Variants in GDPD1 observed in about 807,000 individuals in gnomAD.
GDPD1 encodes the protein lysophospholipase D GDPD1.
A neutral mutation model predicts 45.1 loss-of-function variants in GDPD1; 28 were observed. The observed-to-expected ratio is 0.62, with a 90% confidence interval of 0.46 to 0.85. GDPD1 has a LOEUF of 0.85. Ranked by LOEUF, GDPD1 falls within the 40% of genes least tolerant of loss-of-function variation. The pLI is 0.00. For synonymous variants in GDPD1, 139 were observed against 131.4 expected, an observed-to-expected ratio of 1.06 and a Z score of -0.40; for missense variants, 256 against 364.8, an observed-to-expected ratio of 0.70 and a Z score of 2.43.
intron 6 of GDPD1, among the ~76,000 whole-genome samples, chr17:59,266,835 A>G (rs964982226): frequency 3.3e-5 from 5 of 152,192 alleles, no homozygotes; most frequent in African/African-American, 4.8e-5. Context: ...TCATTATACT[A>G]TGAGGCTCCA....
intron 6 of GDPD1, among the ~76,000 whole-genome samples, 179 bp from the exon 7 acceptor site, chr17:59,266,862 A>G (rs1301775994): frequency 1.3e-5 from 2 of 152,210 alleles, no homozygotes; most frequent in Non-Finnish European, 2.9e-5. Context: ...ATCCTGACCC[A>G]TTTATCAAGG....
At chr17:59,244,958 T>C (rs916886836) in intron 2 of GDPD1, among the ~76,000 whole-genome samples, 2 of 152,184 alleles carry the variant, frequency 1.3e-5, no homozygotes, top group African/African-American at 4.8e-5. Context: ...ATCATGCCAT[T>C]GCACTCCAGC....
Position 59,275,517 on chromosome 17 carries a change from T to C in GDPD1, c.*1744T>C, listed in dbSNP as rs900796036. 3 of 198,190 alleles carry C rather than the reference T, an allele frequency of 1.5e-5. No homozygotes were observed. The highest frequency in any genetic ancestry group is 3.1e-5 in the Non-Finnish European group (3 of 95,816). The allele number at this position is 198,190 out of a possible 1,614,324, so 12.3% of individuals were successfully genotyped here. On this transcript the variant is annotated 3_prime_UTR_variant, in exon 10 of 10. Coordinates refer to ENST00000284116, the MANE Select transcript of GDPD1 (RefSeq NM_182569.4). ...TATTTTTGTGTTTCCTCTAAAAAAA[T>C]GTAAGATTTCCATTTTTGGCACTGA... is the stretch of plus-strand genomic sequence containing the variant.
intron 4 of GDPD1, among the ~76,000 whole-genome samples, chr17:59,252,725 T>A (rs1233634925): frequency 1.4e-5 from 2 of 147,250 alleles, no homozygotes; most frequent in Non-Finnish European, 3.0e-5. Context: ...ATTGGCCTGG[T>A]GCGGTGGCTC....
intron 9 of GDPD1, 160 bp downstream of exon 9, chr17:59,272,996 A>G: frequency 6.8e-7 from 1 of 1,466,216 alleles, no homozygotes; most frequent in Non-Finnish European, 9.0e-7. Context: ...CCTTACACTT[A>G]GCAATAAAGC....
chr17:59,236,463 C>G (rs1476283373), intron 2 of GDPD1, among the ~76,000 whole-genome samples: 1 of 151,798 alleles, frequency 6.6e-6, no homozygotes, highest in Non-Finnish European at 1.5e-5. Context: ...GAAGGGAACA[C>G]CTCTTTCACA....
intron 6 of GDPD1, among the ~76,000 whole-genome samples, chr17:59,262,072 T>C (rs1351803873): frequency 6.6e-6 from 1 of 150,730 alleles, no homozygotes; most frequent in African/African-American, 2.4e-5. Flanking sequence ...CGCCCGCCAC[T>C]ACGCCCGGCT....
At chr17:59,261,825 A>C (rs1387881267) in intron 6 of GDPD1, among the ~76,000 whole-genome samples, 1 of 148,332 alleles carries the variant, frequency 6.7e-6, no homozygotes, top group Non-Finnish European at 1.5e-5. Flanking sequence ...GTAGAGATGG[A>C]GTCTCACTGT....
In GDPD1 at chr17:59,260,060, C is replaced by CAAAA. The variant is rs56936442; in HGVS notation, c.576+2257_576+2260dup. ...TGGGTGACGGAGCCAGACCCTGTCT[C>CAAAA]AAAAAAAAAAAAAAAAAAAAAAAAA... On this transcript the variant is annotated intron_variant, in intron 6 of 9. Coordinates refer to ENST00000284116, the MANE Select transcript of GDPD1 (RefSeq NM_182569.4). Among the ~76,000 whole-genome samples, 206 of 25,854 alleles carry CAAAA rather than the reference C, an allele frequency of 8.0e-3. 70 individuals carry two copies. Among genetic ancestry groups the CAAAA allele is most frequent in the Non-Finnish European group, 0.011 (154 of 14,516 alleles). 17.0% of individuals were successfully genotyped at this position (25,854 alleles called of 152,430 possible).
intron 2 of GDPD1, among the ~76,000 whole-genome samples, chr17:59,242,685 A>G (rs2047183485): frequency 6.6e-6 from 1 of 152,238 alleles, no homozygotes; most frequent in African/African-American, 2.4e-5. Context: ...AGGAAAGATT[A>G]GGCACACAGA....
intron 1 of GDPD1, among the ~76,000 whole-genome samples, chr17:59,225,616 C>T (rs1264848580): frequency 6.6e-6 from 1 of 152,156 alleles, no homozygotes; most frequent in Non-Finnish European, 1.5e-5. Flanking sequence ...GCATGAGCCA[C>T]TGTGCTCGGC....
intron 6 of GDPD1, among the ~76,000 whole-genome samples, chr17:59,260,059 T>TAAAA (rs2047342559): frequency 7.1e-5 from 1 of 14,044 alleles, no homozygotes; most frequent in Non-Finnish European, 1.5e-4. Flanking sequence ...AGACCCTGTC[T>TAAAA]CAAAAAAAAA....
intron 2 of GDPD1, among the ~76,000 whole-genome samples, chr17:59,244,217 C>T (rs2047194951): frequency 6.6e-6 from 1 of 152,162 alleles, no homozygotes; most frequent in African/African-American, 2.4e-5. Flanking sequence ...GTCCCTTCTC[C>T]CTTGATTCTT....
At chr17:59,258,560 ACTTAT>A (rs2047327717) in intron 6 of GDPD1, among the ~76,000 whole-genome samples, 5 of 152,064 alleles carry the variant, frequency 3.3e-5, no homozygotes, top group African/African-American at 1.2e-4. Flanking sequence ...ACAAACAAAC[ACTTAT>A]CTTATTTCAT....
At chr17:59,263,991 T>C (rs1180527790) in intron 6 of GDPD1, among the ~76,000 whole-genome samples, 1 of 152,006 alleles carries the variant, frequency 6.6e-6, no homozygotes, top group Non-Finnish European at 1.5e-5. Context: ...GTATTTTTAA[T>C]TTAATTTTAT....
Position 59,232,465 on chromosome 17 carries a change from A to T in GDPD1, c.143-2027A>T, listed in dbSNP as rs572024963. On this transcript the variant is annotated intron_variant, in intron 1 of 9. Coordinates refer to ENST00000284116, the MANE Select transcript of GDPD1 (RefSeq NM_182569.4). Reference sequence around the variant, plus strand: ...ACTCCGTCTCAAAAAAAAAAAAAAAATTTGTCAGTACACTGAAAGAAATGG... The same window carrying T: ...ACTCCGTCTCAAAAAAAAAAAAAAATTTTGTCAGTACACTGAAAGAAATGG... Among the ~76,000 whole-genome samples the T allele has an allele frequency of 7.9e-5, 12 of 152,098 alleles. No individual in the cohort carries two copies. In the East Asian group the frequency reaches 1.5e-3, roughly 20 times the overall value.
chr17:59,251,275 T>A (rs1381765348), intron 4 of GDPD1, among the ~76,000 whole-genome samples: 1 of 152,050 alleles, frequency 6.6e-6, no homozygotes, highest in Non-Finnish European at 1.5e-5. Context: ...TCCCAACACT[T>A]TGGGAGGCCG....
chr17:59,268,944 C>T (rs928844272), intron 7 of GDPD1, among the ~76,000 whole-genome samples: 1 of 150,398 alleles, frequency 6.6e-6, no homozygotes, highest in Non-Finnish European at 1.5e-5. Flanking sequence ...GAGCCAAGAT[C>T]GCGCCACTGC....
intron 7 of GDPD1, among the ~76,000 whole-genome samples, chr17:59,268,594 A>AAAAAAAAAG (rs1568351863): frequency 2.7e-5 from 4 of 149,224 alleles, no homozygotes; most frequent in African/African-American, 1.0e-4. Flanking sequence ...AAAAAAAAAA[A>AAAAAAAAAG]AAAAAAAAGA....
Sources: gnomAD v4.1 joint callset for allele counts (sites outside exome capture counted in the v4.1 genomes callset) on GRCh38, gnomAD v4.1.1 for gene constraint, MANE v1.5 for transcripts, NCBI Gene and HGNC (gene_info 2026-07-23, HGNC 2026-07-21) for gene names.